The following LRP1B variants were observed in gnomAD, a reference collection of about 807,000 sequenced individuals.
LRP1B encodes low-density lipoprotein receptor-related protein 1B.
In LRP1B, 217 loss-of-function variants were observed where a neutral mutation model predicts 556.6. That is an observed-to-expected ratio of 0.39 (90% CI 0.35 to 0.44). The LOEUF is 0.44. Ranked by LOEUF, LRP1B falls within the 20% of genes least tolerant of loss-of-function variation. LRP1B has a pLI of 1.00. For synonymous variants in LRP1B, 2,047 were observed against 1,865.8 expected (o/e 1.10, Z -2.50); for missense variants, 5,053 against 5,620.8 (o/e 0.90, Z 3.23).
At chr2:140,651,304 A>G (rs1337062897) in intron 41 of LRP1B, among the ~76,000 whole-genome samples, 3 of 129,686 alleles carry the variant, frequency 2.3e-5, no homozygotes, top group African/African-American at 8.9e-5. Flanking sequence ...TTGAACAATG[A>G]GATCACATGG....
intron 1 of LRP1B, among the ~76,000 whole-genome samples, chr2:142,084,262 A>G (rs1705828914): frequency 6.6e-6 from 1 of 152,128 alleles, no homozygotes; most frequent in African/African-American, 2.4e-5. Flanking sequence ...GCTTAAAGGC[A>G]TGAGCCCCTG....
chr2:142,016,371 A>G (rs543228488), intron 1 of LRP1B, among the ~76,000 whole-genome samples: 1 of 152,344 alleles, frequency 6.6e-6, no homozygotes, highest in African/African-American at 2.4e-5. Context: ...ATAAAGGCAT[A>G]TGCACACGTA....
intron 7 of LRP1B, among the ~76,000 whole-genome samples, chr2:141,151,019 A>G (rs1447140371): frequency 6.6e-6 from 1 of 152,114 alleles, no homozygotes; most frequent in East Asian, 1.9e-4. Flanking sequence ...CTATTTTAGT[A>G]GTAGAGATAT....
At chr2:141,729,211 TCCC>T (rs1693168360) in intron 2 of LRP1B, among the ~76,000 whole-genome samples, 1 of 152,272 alleles carries the variant, frequency 6.6e-6, no homozygotes, top group South Asian at 2.1e-4. Flanking sequence ...ACCTACAGCT[TCCC>T]CTGACAGCTT....
chr2:140,932,886 T>TACACACACACACACACACACACACACAC, intron 20 of LRP1B, among the ~76,000 whole-genome samples: 1 of 127,566 alleles, frequency 7.8e-6, no homozygotes, highest in East Asian at 2.2e-4. Context: ...TCTCTCCCTA[T>TACACACACACACACACACACACACACAC]ACACACACAC....
At chr2:141,056,893 G>T (rs1247579518) in intron 9 of LRP1B, among the ~76,000 whole-genome samples, 2 of 151,704 alleles carry the variant, frequency 1.3e-5, no homozygotes, top group East Asian at 2.0e-4. Context: ...AATTAAATTT[G>T]CTATCTTTGT....
intron 84 of LRP1B, among the ~76,000 whole-genome samples, chr2:140,282,510 A>G (rs1682959096): frequency 6.6e-6 from 1 of 151,794 alleles, no homozygotes; most frequent in Non-Finnish European, 1.5e-5. Flanking sequence ...AAACAAATCT[A>G]CAAAGTGATT....
chr2:141,334,019 G>A (rs532346969), intron 3 of LRP1B, among the ~76,000 whole-genome samples: 1 of 152,172 alleles, frequency 6.6e-6, no homozygotes, highest in African/African-American at 2.4e-5. Context: ...TCTTAAAGAG[G>A]ATTTATTATG....
At chr2:140,269,282 A>G (rs1475018488) in intron 86 of LRP1B, 1 of 471,112 alleles carries the variant, frequency 2.1e-6, no homozygotes, top group Admixed American at 2.4e-5. Flanking sequence ...ATCTCGGCTC[A>G]TTAAACGCAG....
chr2:140,609,600 A>G (rs1460435227), intron 41 of LRP1B, among the ~76,000 whole-genome samples: 2 of 152,212 alleles, frequency 1.3e-5, no homozygotes, highest in Non-Finnish European at 2.9e-5. Flanking sequence ...TCTGTGAATT[A>G]TAGTAGTATT....
chr2:141,901,276 G>A (rs1699611153), intron 1 of LRP1B, among the ~76,000 whole-genome samples: 3 of 152,030 alleles, frequency 2.0e-5, no homozygotes, highest in South Asian at 4.1e-4. Context: ...TCCCAGCAAT[G>A]AGTAAGAATG....
chr2:140,258,575 G>T (rs546915502), intron 86 of LRP1B, among the ~76,000 whole-genome samples: 1 of 152,122 alleles, frequency 6.6e-6, no homozygotes, highest in East Asian at 1.9e-4. Context: ...AGCAAGTTCT[G>T]ATTATTGTGT....
At chr2:141,659,253 A>G (rs1690124664) in intron 2 of LRP1B, among the ~76,000 whole-genome samples, 1 of 152,186 alleles carries the variant, frequency 6.6e-6, no homozygotes. Context: ...TTCTGCAAAT[A>G]GCGAATCAGT....
intron 88 of LRP1B, 22 bp downstream of exon 88, chr2:140,239,420 A>C: frequency 6.8e-7 from 1 of 1,468,956 alleles, no homozygotes; most frequent in Non-Finnish European, 9.4e-7. Context: ...ACTGACTGCT[A>C]ATCTAGAACA....
Position 141,942,940 on chromosome 2 carries a change from A to G in LRP1B, c.83-132539T>C, listed in dbSNP as rs188713461. Reference sequence around the variant, plus strand: ...TTGTTCTACTGAAAGATGTCTTAGAATTGCTCTTTAACCAAGAATACATTA... The same window carrying G: ...TTGTTCTACTGAAAGATGTCTTAGAGTTGCTCTTTAACCAAGAATACATTA... On this transcript the variant is annotated intron_variant, in intron 1 of 90. Transcript: ENST00000389484. 3.9e-4 allele frequency among the ~76,000 whole-genome samples: 60 copies of G among 152,320 alleles called. 1 individual carries two copies. Among genetic ancestry groups the G allele is most frequent in the East Asian group, 3.7e-3 (19 of 5,190 alleles).
At chr2:140,566,609 G>T (rs1428806332) in intron 43 of LRP1B, among the ~76,000 whole-genome samples, 2 of 152,044 alleles carry the variant, frequency 1.3e-5, no homozygotes, top group East Asian at 3.9e-4. Context: ...TGCCTCCCAG[G>T]GACATGATGC....
chr2:140,901,196 A>G (rs1694095615), intron 23 of LRP1B, among the ~76,000 whole-genome samples: 1 of 152,062 alleles, frequency 6.6e-6, no homozygotes, highest in African/African-American at 2.4e-5. Context: ...TCGATTGGAC[A>G]GGTGGCTAAT....
At chr2:141,630,456 T>C (rs1289547741) in intron 2 of LRP1B, among the ~76,000 whole-genome samples, 1 of 152,236 alleles carries the variant, frequency 6.6e-6, no homozygotes, top group Non-Finnish European at 1.5e-5. Context: ...CCAGTTTTTA[T>C]TTCAATTCCA....
chr2:141,329,649 A>AAAAAAAAAACAAAAC (rs1553497001), intron 3 of LRP1B, among the ~76,000 whole-genome samples: 154 of 132,650 alleles, frequency 1.2e-3, no homozygotes, highest in African/African-American at 4.5e-3. Context: ...GTCTCAAAAA[A>AAAAAAAAAACAAAAC]AAAAAAAAAA....
Sources: allele counts gnomAD v4.1 joint callset (sites outside exome capture counted in the v4.1 genomes callset), GRCh38; gene constraint gnomAD v4.1.1; transcripts MANE v1.5; gene names NCBI Gene and HGNC (gene_info 2026-07-23, HGNC 2026-07-21).